The following ACAP3 variants were observed in gnomAD, a reference collection of about 807,000 sequenced individuals.
ACAP3 encodes ArfGAP with coiled-coil, ankyrin repeat and PH domains 3, also known as arf-GAP with coiled-coil, ANK repeat and PH domain-containing protein 3.
Under a neutral mutation model 104.1 loss-of-function variants are expected in ACAP3, and 56 were observed. That is an observed-to-expected ratio of 0.54 (90% CI 0.43 to 0.67). The LOEUF (loss-of-function observed/expected upper bound fraction) is 0.67, where lower values mean the gene tolerates loss of function less well. Ranked by LOEUF, ACAP3 falls within the 30% of genes least tolerant of loss-of-function variation. The pLI, the probability that ACAP3 is intolerant of heterozygous loss-of-function variation, is 0.00. For synonymous variants in ACAP3, 628 were observed against 496.2 expected (o/e 1.27, Z -3.53); for missense variants, 1,208 against 1,174.9 (o/e 1.03, Z -0.41).
Position 1,299,870 on chromosome 1 carries a change from CT to C in ACAP3, c.698del (p.Lys233SerfsTer38). ...CGGCGTGCTTTCGCTCCATCTCACG[CT>C]TTTCCACCGCAGAGTCGATCACCAG... Reference protein sequence around the residue: ...DQLVIDSAVEKREMERKHAAI... With the variant: ...DQLVIDSAVEXREMERKHAAI... On this transcript the variant is annotated frameshift_variant, in exon 9 of 24. Coordinates refer to ENST00000354700, the MANE Select transcript of ACAP3 (RefSeq NM_030649.3). LOFTEE classifies it high-confidence loss of function. The C allele has an allele frequency of 6.4e-7, 1 of 1,572,316 alleles. No homozygotes were observed. The highest frequency in any genetic ancestry group is 8.6e-7 in the Non-Finnish European group (1 of 1,157,086).
chr1:1,301,854 T>C (rs1026447034), intron 5 of ACAP3, 134 bp downstream of exon 5: 1 of 809,124 alleles, frequency 1.2e-6, no homozygotes, highest in East Asian at 3.0e-5. Flanking sequence ...CCTCTGAGCC[T>C]TCTGCCTTGT....
At chr1:1,299,767 T>C (rs28680956) in intron 9 of ACAP3, 64 bp downstream of exon 9, 3 of 1,481,998 alleles carry the variant, frequency 2.0e-6, no homozygotes, top group Non-Finnish European at 2.7e-6. Flanking sequence ...GTGCCGGGCA[T>C]GGGGTGAGGA....
At chr1:1,301,255 T>A (rs12044014) in intron 5 of ACAP3, among the ~76,000 whole-genome samples, 1 of 137,254 alleles carries the variant, frequency 7.3e-6, no homozygotes, top group Non-Finnish European at 1.6e-5. Flanking sequence ...TTCTTGGGGG[T>A]GTCTTTTTTT....
At chr1:1,298,782 G>A (rs1641313852) in intron 10 of ACAP3, 103 bp from the exon 11 acceptor site, 2 of 839,090 alleles carry the variant, frequency 2.4e-6, no homozygotes, top group Non-Finnish European at 2.0e-6. Flanking sequence ...GTCTGAGGCT[G>A]CCACACGGCC....
Position 1,296,294 on chromosome 1 carries a change from G to A in ACAP3, c.1338-14C>T, listed in dbSNP as rs779071943. 16 of 1,553,548 alleles carry A rather than the reference G, an allele frequency of 1.0e-5. No homozygotes were observed. Among genetic ancestry groups the A allele is most frequent in the East Asian group, 9.7e-5 (4 of 41,190 alleles). On this transcript the variant is annotated splice_polypyrimidine_tract_variant and intron_variant, in intron 15 of 23. Transcript: ENST00000354700. The stretch of plus-strand genomic sequence containing the variant: ...ACACCCAGGCTCCTGGAGAGCAGAG[G>A]TAGGGATGAGTCTGGGGGAGGCAAG...
chr1:1,303,612 CCT>C lies in ACAP3; in HGVS notation c.106-333_106-332del, dbSNP rs1479208108. ...CTCCCAGCTCCACGGCCTGTTGCCC[CCT>C]CCTCTTTCTCAGCCCATGTGGGGCT... On this transcript the variant is annotated intron_variant, in intron 2 of 23. Transcript: ENST00000354700. The surrounding 1 kb of genome is among the most constrained non-coding windows in gnomAD (Gnocchi z 4.0). 7.4e-5 allele frequency: 34 copies of C among 461,218 alleles called. No individual in the cohort carries two copies. The highest frequency in any genetic ancestry group is 3.9e-4 in the South Asian group (16 of 41,558). 28.6% of individuals were successfully genotyped at this position (461,218 alleles called of 1,614,324 possible). A position where few individuals can be genotyped will look rare whatever the true frequency, so the allele number is the denominator to read the frequency against.
chr1:1,298,685 G>A lies in ACAP3; in HGVS notation c.751-6C>T. The A allele has an allele frequency of 6.2e-7, 1 of 1,609,594 alleles. No homozygotes were observed. Among genetic ancestry groups the A allele is most frequent in the South Asian group, 1.1e-5 (1 of 91,014 alleles). On this transcript the variant is annotated splice_region_variant and splice_polypyrimidine_tract_variant and intron_variant, in intron 10 of 23. Transcript: ENST00000354700. The stretch of plus-strand genomic sequence containing the variant: ...GACTCATCGTAGGAGAAGTCCTGGG[G>A]GGATGGAACCCGCCCCCTCAGTGCC...
At chr1:1,295,588 A>G (rs1641096210) in intron 18 of ACAP3, 34 bp from the exon 19 acceptor site, 1 of 1,603,592 alleles carries the variant, frequency 6.2e-7, no homozygotes, top group Admixed American at 1.7e-5. Flanking sequence ...AGTGTGGAAC[A>G]GGCCCGGGGT....
intron 10 of ACAP3, chr1:1,298,977 C>T: frequency 1.8e-6 from 1 of 556,402 alleles, no homozygotes; most frequent in South Asian, 2.2e-5. Flanking sequence ...GAAGCTGCGC[C>T]CCCACCCTCC....
chr1:1,304,035 T>G (rs1641572561), intron 2 of ACAP3, 51 bp downstream of exon 2: 1 of 1,548,516 alleles, frequency 6.5e-7, no homozygotes, highest in East Asian at 2.4e-5. Flanking sequence ...TCTGGCCATG[T>G]GGCCATCCCA....
intron 10 of ACAP3, 166 bp downstream of exon 10, chr1:1,299,179 G>T: frequency 1.1e-6 from 1 of 895,260 alleles, no homozygotes; most frequent in Non-Finnish European, 1.7e-6. Flanking sequence ...CGGGGAATGT[G>T]GAGGTCTGGC....
rs989417128 is a variant in ACAP3 at position 1,298,548 on chromosome 1, C to T, written c.863+19G>A. 3.8e-6 allele frequency: 6 copies of T among 1,593,088 alleles called. No homozygotes were observed. The highest frequency in any genetic ancestry group is 5.2e-6 in the Non-Finnish European group (6 of 1,164,126). ...CCCCCGCCTAAGGACCCCGCCCCCA[C>T]CTGAGGAAGGCCTCTCACCGGTTCC... On this transcript the variant is annotated intron_variant, in intron 11 of 23. Coordinates refer to ENST00000354700, the MANE Select transcript of ACAP3 (RefSeq NM_030649.3).
At chr1:1,293,961 C>T (rs1290969524) in intron 22 of ACAP3, 28 bp from the exon 23 acceptor site, 2 of 645,106 alleles carry the variant, frequency 3.1e-6, no homozygotes, top group Middle Eastern at 3.4e-4. Flanking sequence ...AGGGGCGTGT[C>T]GGGGCGGGGC....
chr1:1,295,508 G>A lies in ACAP3; in HGVS notation c.1752C>T (p.Pro584=), dbSNP rs967786877. 7.4e-6 allele frequency: 12 copies of A among 1,612,530 alleles called. No homozygotes were observed. The highest frequency in any genetic ancestry group is 1.6e-4 in the Middle Eastern group (1 of 6,080). The stretch of plus-strand genomic sequence containing the variant: ...AGGAGAAGAGCGAGTCCAGCTCGTC[G>A]GGACAGAAGAGGGAGTCTCGGCGGA... ...RKFRRDSLFC[P]DELDSLFSYF... The change falls in exon 19 of 24, where the codon CCC becomes CCT. Residue 584 remains proline, a synonymous_variant. Transcript: ENST00000354700.
At chr1:1,297,746 C>A in intron 14 of ACAP3, 76 bp downstream of exon 14, 1 of 1,407,902 alleles carries the variant, frequency 7.1e-7, no homozygotes, top group South Asian at 1.3e-5. Flanking sequence ...TGTGTGTGCA[C>A]AGGCGCGGGG....
At chr1:1,301,871 G>A (rs963694139) in intron 5 of ACAP3, 117 bp downstream of exon 5, 4 of 983,452 alleles carry the variant, frequency 4.1e-6, no homozygotes, top group East Asian at 5.8e-5. Context: ...TTGTGGAGCC[G>A]CTGCACAGCC....
chr1:1,303,294 G>T lies in ACAP3; in HGVS notation c.106-13C>A. ...ACAGCTTCACCAGCTGTGGGCCAGC[G>T]GGGCGTGGTGAGCACAGTGGGCACT... is the stretch of plus-strand genomic sequence containing the variant. On this transcript the variant is annotated splice_polypyrimidine_tract_variant and intron_variant, in intron 2 of 23. Coordinates refer to ENST00000354700, the MANE Select transcript of ACAP3 (RefSeq NM_030649.3). The surrounding 1 kb of genome is among the most constrained non-coding windows in gnomAD (Gnocchi z 4.0). 1.3e-6 allele frequency: 2 copies of T among 1,564,850 alleles called. No homozygotes were observed. Among genetic ancestry groups the T allele is most frequent in the South Asian group, 2.3e-5 (2 of 85,332 alleles).
In ACAP3 at chr1:1,295,814, T is replaced by C. The variant is rs780711013; in HGVS notation, c.1627A>G (p.Ser543Gly). ...WRVQKCLRPHSSPRAPTARRK... is the reference protein window; with the variant it reads ...WRVQKCLRPHGSPRAPTARRK... ...CGGGCAGTGGGAGCGCGGGGAGAGCTGTGGGGCCGCAGGCACTTCTGCACC... is the reference window on the plus strand; with the variant it reads ...CGGGCAGTGGGAGCGCGGGGAGAGCCGTGGGGCCGCAGGCACTTCTGCACC... The change falls in exon 18 of 24, where the codon AGC becomes GGC. Residue 543 changes from serine to glycine, a missense_variant. Coordinates refer to ENST00000354700, the MANE Select transcript of ACAP3 (RefSeq NM_030649.3). The C allele has an allele frequency of 1.9e-6, 3 of 1,610,512 alleles. No individual in the cohort carries two copies. The highest frequency in any genetic ancestry group is 2.5e-6 in the Non-Finnish European group (3 of 1,179,886).
intron 14 of ACAP3, among the ~76,000 whole-genome samples, chr1:1,296,923 A>G (rs1179553332): frequency 6.6e-6 from 1 of 152,048 alleles, no homozygotes; most frequent in Admixed American, 6.5e-5. Flanking sequence ...GGTGCCGAGC[A>G]CACTCCCACA....
Sources: gnomAD v4.1 joint callset for allele counts (sites outside exome capture counted in the v4.1 genomes callset) on GRCh38, gnomAD v4.1.1 for gene constraint, Gnocchi (gnomAD v3.1) non-coding constraint, MANE v1.5 for transcripts, NCBI Gene and HGNC (gene_info 2026-07-23, HGNC 2026-07-21) for gene names.